Variants in SLC25A30 observed in about 807,000 individuals in gnomAD.
The protein encoded by SLC25A30 is kidney mitochondrial carrier protein 1.
SLC25A30 carries 29 observed loss-of-function variants against 42.7 expected under a neutral mutation model. The observed-to-expected ratio is 0.68, with a 90% CI of 0.51 to 0.93. The LOEUF is 0.93. Ranked by LOEUF, SLC25A30 falls within the 40% of genes least tolerant of loss-of-function variation. The pLI, the probability that SLC25A30 is intolerant of heterozygous loss-of-function variation, is 0.00. For synonymous variants in SLC25A30, 124 were observed against 131.0 expected (o/e 0.95, Z 0.37); for missense variants, 300 against 359.7 (o/e 0.83, Z 1.34).
intron 1 of SLC25A30, among the ~76,000 whole-genome samples, chr13:45,412,927 T>C (rs1052923851): frequency 6.6e-6 from 1 of 152,188 alleles, no homozygotes; most frequent in Non-Finnish European, 1.5e-5. Context: ...AAAATAAAAT[T>C]TCTAACTTTT....
At chr13:45,415,975 T>C (rs994220944) in intron 1 of SLC25A30, among the ~76,000 whole-genome samples, 1 of 150,922 alleles carries the variant, frequency 6.6e-6, no homozygotes, top group African/African-American at 2.4e-5. Flanking sequence ...AATTTTTGTA[T>C]TTTTGGTAGA....
the SLC25A30 span, among the ~76,000 whole-genome samples, chr13:45,428,260 G>C: frequency 6.6e-6 from 1 of 151,154 alleles, no homozygotes; most frequent in African/African-American, 2.4e-5. Flanking sequence ...TCGCCCAGGA[G>C]TGCAGTGGTG....
chr13:45,433,871 G>C, the SLC25A30 span, among the ~76,000 whole-genome samples: 1 of 152,204 alleles, frequency 6.6e-6, no homozygotes, highest in Non-Finnish European at 1.5e-5. Flanking sequence ...TACTGTATCT[G>C]TAATGCACTG....
chr13:45,425,013 A>AGTATAAAT, the SLC25A30 span, among the ~76,000 whole-genome samples: 5 of 14,566 alleles, frequency 3.4e-4, no homozygotes, highest in Admixed American at 3.2e-3. Flanking sequence ...AATATATATA[A>AGTATAAAT]ATATACATAT....
At chr13:45,412,570 G>A (rs1485426619) in intron 1 of SLC25A30, among the ~76,000 whole-genome samples, 2 of 152,008 alleles carry the variant, frequency 1.3e-5, no homozygotes, top group African/African-American at 4.8e-5. Context: ...TTTCTTCTTC[G>A]CCAACACCAT....
the SLC25A30 span, among the ~76,000 whole-genome samples, chr13:45,425,204 AAGTATATATATACGTATG>A: frequency 2.0e-5 from 2 of 102,474 alleles, no homozygotes; most frequent in Admixed American, 1.6e-4. Flanking sequence ...AAATATATGT[AAGTATATATATACGTATG>A]TATATAAATA....
intron 5 of SLC25A30, chr13:45,402,778 C>G: frequency 2.0e-6 from 2 of 985,372 alleles, no homozygotes; most frequent in South Asian, 4.7e-5. Context: ...GAAGCACAGG[C>G]AAGCATAGTT....
chr13:45,405,777 T>C (rs1410697048), intron 4 of SLC25A30, 106 bp downstream of exon 4: 4 of 967,860 alleles, frequency 4.1e-6, no homozygotes, highest in Non-Finnish European at 6.3e-6. Flanking sequence ...CTTGTAGCAG[T>C]AGGAAAGTCA....
the SLC25A30 span, among the ~76,000 whole-genome samples, chr13:45,429,523 T>A: frequency 1.3e-5 from 2 of 152,002 alleles, no homozygotes; most frequent in South Asian, 4.2e-4. Context: ...ATTCTCAAGA[T>A]GACACTGAAA....
chr13:45,428,329 C>T, the SLC25A30 span, among the ~76,000 whole-genome samples: 3 of 151,742 alleles, frequency 2.0e-5, no homozygotes, highest in African/African-American at 7.3e-5. Context: ...CTGCCTCAGC[C>T]TCCTGAGCAG....
the SLC25A30 span, among the ~76,000 whole-genome samples, chr13:45,429,643 C>T: frequency 6.6e-6 from 1 of 151,376 alleles, no homozygotes; most frequent in East Asian, 2.0e-4. Context: ...CCAGTCTGGG[C>T]AACATGGAGA....
intron 2 of SLC25A30, among the ~76,000 whole-genome samples, chr13:45,409,307 C>T (rs902363415): frequency 9.9e-5 from 15 of 152,102 alleles, no homozygotes; most frequent in African/African-American, 3.6e-4. Flanking sequence ...ATTTATACCT[C>T]ATCTTATTCT....
the SLC25A30 span, among the ~76,000 whole-genome samples, chr13:45,427,048 A>AATTGG: frequency 6.6e-6 from 1 of 152,240 alleles, no homozygotes; most frequent in Non-Finnish European, 1.5e-5. Flanking sequence ...TGAGCTTGGT[A>AATTGG]ATTGGATGAT....
chr13:45,430,582 G>C, the SLC25A30 span, among the ~76,000 whole-genome samples: 1 of 152,102 alleles, frequency 6.6e-6, no homozygotes, highest in Non-Finnish European at 1.5e-5. Context: ...GAGGCAGGTG[G>C]ATCACTTGAG....
At chr13:45,424,819 T>A in the SLC25A30 span, among the ~76,000 whole-genome samples, 2 of 47,132 alleles carry the variant, frequency 4.2e-5, no homozygotes, top group African/African-American at 1.8e-4. Context: ...AAAATATAAA[T>A]ATATAAAAAT....
the SLC25A30 span, among the ~76,000 whole-genome samples, chr13:45,428,509 CTTT>C: frequency 7.8e-6 from 1 of 128,124 alleles, no homozygotes; most frequent in Non-Finnish European, 1.6e-5. Context: ...GCCCAGCCTT[CTTT>C]TTAACTTTTT....
At chr13:45,423,787 T>A in the SLC25A30 span, among the ~76,000 whole-genome samples, 10,316 of 53,288 alleles carry the variant, frequency 0.19, 1,148 homozygotes, top group Non-Finnish European at 0.26. Flanking sequence ...AATATATAAA[T>A]ATATAAATAT....
chr13:45,425,402 A>G, the SLC25A30 span, among the ~76,000 whole-genome samples: 2 of 109,628 alleles, frequency 1.8e-5, no homozygotes, highest in East Asian at 2.4e-4. Context: ...ATATATATGT[A>G]TATATATAAA....
the SLC25A30 span, among the ~76,000 whole-genome samples, chr13:45,428,369 C>A: frequency 6.7e-6 from 1 of 148,424 alleles, no homozygotes; most frequent in Non-Finnish European, 1.5e-5. Flanking sequence ...CCACCACACC[C>A]GGCTAATTTT....
Sources: gnomAD v4.1 joint callset for allele counts (sites outside exome capture counted in the v4.1 genomes callset) on GRCh38, gnomAD v4.1.1 for gene constraint, MANE v1.5 for transcripts, NCBI Gene and HGNC (gene_info 2026-07-23, HGNC 2026-07-21) for gene names.